Variants in DUOXA1 observed in about 807,000 individuals in gnomAD.
DUOXA1 encodes dual oxidase maturation factor 1, also known as dual oxidase activator 1.
A neutral mutation model predicts 26.6 loss-of-function variants in DUOXA1; 19 were observed. The ratio of observed to expected loss-of-function variants is 0.71; its 90% CI spans 0.50 to 1.05. The LOEUF (loss-of-function observed/expected upper bound fraction) is 1.05. Among genes scored for constraint, DUOXA1 ranks in the 50% least tolerant of loss-of-function variants. The probability of loss-of-function intolerance (pLI) is 0.00; values close to 1 mark genes in which losing one functional copy is unlikely to be tolerated. For missense variants in DUOXA1, 403 were observed against 427.5 expected (o/e 0.94, Z 0.51); for synonymous variants, 166 against 177.0 (o/e 0.94, Z 0.49).
chr15:45,122,749 C>T, intron 4 of DUOXA1, 119 bp downstream of exon 4: 4 of 1,286,272 alleles, frequency 3.1e-6, no homozygotes, highest in East Asian at 2.5e-5. Flanking sequence ...GGGGTCGTGG[C>T]TATCTTTTCT....
intron 3 of DUOXA1, among the ~76,000 whole-genome samples, chr15:45,123,557 A>T (rs935351024): frequency 2.0e-5 from 3 of 152,238 alleles, no homozygotes; most frequent in African/African-American, 7.2e-5. Context: ...ACATCATCAG[A>T]GGACTGAATT....
intron 5 of DUOXA1, 57 bp downstream of exon 5, chr15:45,122,128 C>A: frequency 6.5e-7 from 1 of 1,544,994 alleles, no homozygotes; most frequent in Non-Finnish European, 8.8e-7. Flanking sequence ...ATGCAGGCTG[C>A]TGAGGGAGTT....
Position 45,118,870 on chromosome 15 carries a change from T to C in DUOXA1, c.*236A>G. On this transcript the variant is annotated 3_prime_UTR_variant, in exon 9 of 9. Transcript: ENST00000560572. ...CAGATAAGCTAGCCCCTGCTTGGCCTTATCATGGCAACAGGCTTTATGGAC... is the reference window on the plus strand; with the variant it reads ...CAGATAAGCTAGCCCCTGCTTGGCCCTATCATGGCAACAGGCTTTATGGAC... 1 of 1,237,360 alleles carries C rather than the reference T, an allele frequency of 8.1e-7. No homozygotes were observed. Among genetic ancestry groups the C allele is most frequent in the East Asian group, 3.3e-5 (1 of 30,332 alleles). The allele number at this position is 1,237,360 out of a possible 1,614,324, so 76.6% of individuals were successfully genotyped here.
chr15:45,118,117 C>A lies in DUOXA1; in HGVS notation c.*989G>T. 1 of 1,456,200 alleles carries A rather than the reference C, an allele frequency of 6.9e-7. No individual in the cohort carries two copies. The highest frequency in any genetic ancestry group is 1.4e-5 in the South Asian group (1 of 70,090). 90.2% of individuals were successfully genotyped at this position (1,456,200 alleles called of 1,614,324 possible). On this transcript the variant is annotated 3_prime_UTR_variant, in exon 9 of 9. Coordinates refer to ENST00000560572, the MANE Select transcript of DUOXA1 (RefSeq NM_001276266.2). The stretch of plus-strand genomic sequence containing the variant: ...TTTGTTTTTTAAAAACTGTTTTTCC[C>A]ATTAATTTTCATGGCTTCTCCGCGC...
At chr15:45,121,251 C>T (rs1046327622) in intron 5 of DUOXA1, 30 bp from the exon 6 acceptor site, 8 of 1,613,868 alleles carry the variant, frequency 5.0e-6, no homozygotes, top group Non-Finnish European at 6.8e-6. Flanking sequence ...CATATGGGAA[C>T]TCAGAGATGA....
In DUOXA1 at chr15:45,121,138, C is replaced by T. The variant is rs1470533084; in HGVS notation, c.289G>A (p.Ala97Thr). Reference protein sequence around the residue: ...YKAFSSEWISADIGLQVGLGG... With the variant: ...YKAFSSEWISTDIGLQVGLGG... ...AGCCCGACCTGCAGCCCAATATCAGCGCTGATCCACTCAGAACTGAAGGCC... is the reference window on the plus strand; with the variant it reads ...AGCCCGACCTGCAGCCCAATATCAGTGCTGATCCACTCAGAACTGAAGGCC... The change falls in exon 6 of 9, where the codon GCT becomes ACT. Residue 97 changes from alanine to threonine, a missense_variant. Ala to Thr is a moderately conservative substitution (Grantham distance 58). Coordinates refer to ENST00000560572, the MANE Select transcript of DUOXA1 (RefSeq NM_001276266.2). 3.1e-6 allele frequency: 5 copies of T among 1,614,156 alleles called. No homozygotes were observed. The highest frequency in any genetic ancestry group is 4.2e-6 in the Non-Finnish European group (5 of 1,180,022).
At chr15:45,119,507 C>T in intron 8 of DUOXA1, 142 bp from the exon 9 acceptor site, 1 of 1,343,158 alleles carries the variant, frequency 7.4e-7, no homozygotes, top group Non-Finnish European at 9.9e-7. Flanking sequence ...AGGTGACTGG[C>T]TGAGGGGCAT....
In DUOXA1 at chr15:45,122,904, C is replaced by T. The variant is rs770191196; in HGVS notation, c.111G>A (p.Thr37=). 11 of 1,612,316 alleles carry T rather than the reference C, an allele frequency of 6.8e-6. No homozygotes were observed. The highest frequency in any genetic ancestry group is 3.3e-5 in the Admixed American group (2 of 59,904). Residue 37 remains threonine, a synonymous_variant, in exon 4 of 9, where the codon ACG becomes ACA. Coordinates refer to ENST00000560572, the MANE Select transcript of DUOXA1 (RefSeq NM_001276266.2). ...IIMIFLTALA[T]FIVILPGIRG... ...GAATGCCAGGCAGGATGACGATGAACGTGGCCAGTGCAGTCAGAAAGATCA... is the reference window on the plus strand; with the variant it reads ...GAATGCCAGGCAGGATGACGATGAATGTGGCCAGTGCAGTCAGAAAGATCA...
At chr15:45,120,880 T>A (rs1016008721) in intron 6 of DUOXA1, 75 bp from the exon 7 acceptor site, 4 of 1,543,744 alleles carry the variant, frequency 2.6e-6, no homozygotes, top group Non-Finnish European at 3.6e-6. Context: ...TCACCCACAC[T>A]GGGCAGAGGG....
At chr15:45,126,425 C>T (rs1207480985) in intron 3 of DUOXA1, among the ~76,000 whole-genome samples, 3 of 152,220 alleles carry the variant, frequency 2.0e-5, no homozygotes, top group Non-Finnish European at 4.4e-5. Context: ...ACTCTCTTGG[C>T]AAATGCCTTT....
At chr15:45,121,366 A>C (rs1341910423) in intron 5 of DUOXA1, 145 bp from the exon 6 acceptor site, 48 of 1,212,014 alleles carry the variant, frequency 4.0e-5, no homozygotes, top group Non-Finnish European at 5.4e-5. Flanking sequence ...GCTCATGGTA[A>C]GTCTGCCAAC....
rs1388414248 is a variant in DUOXA1 at position 45,117,465 on chromosome 15, A to G, written c.*1641T>C. The G allele has an allele frequency of 4.4e-5, 68 of 1,547,368 alleles. No individual in the cohort carries two copies. The highest frequency in any genetic ancestry group is 5.6e-5 in the Non-Finnish European group (64 of 1,144,176). ...CACTGTTATGACCATTTTACAGATGAAAAGTGGGGGGCTCAGAAGGGTTTG... is the reference window on the plus strand; with the variant it reads ...CACTGTTATGACCATTTTACAGATGGAAAGTGGGGGGCTCAGAAGGGTTTG... On this transcript the variant is annotated 3_prime_UTR_variant, in exon 9 of 9. Transcript: ENST00000560572.
In DUOXA1 at chr15:45,118,655, A is replaced by G. The variant is rs1394539462; in HGVS notation, c.*451T>C. On this transcript the variant is annotated 3_prime_UTR_variant, in exon 9 of 9. Transcript: ENST00000560572. ...CTTTCATTGTACCAAAAGGCCACAC[A>G]AGCTGGAGAAGTAAAGGAAGAACAA... is the stretch of plus-strand genomic sequence containing the variant. 1 of 991,220 alleles carries G rather than the reference A, an allele frequency of 1.0e-6. No homozygotes were observed. The highest frequency in any genetic ancestry group is 1.2e-6 in the Non-Finnish European group (1 of 834,394). 61.4% of individuals were successfully genotyped at this position (991,220 alleles called of 1,614,324 possible). A position where few individuals can be genotyped will look rare whatever the true frequency, so the allele number is the denominator to read the frequency against.
At chr15:45,121,418 T>C (rs1318775155) in intron 5 of DUOXA1, among the ~76,000 whole-genome samples, 197 bp from the exon 6 acceptor site, 3 of 152,234 alleles carry the variant, frequency 2.0e-5, no homozygotes, top group African/African-American at 7.2e-5. Flanking sequence ...TGTTTACCTC[T>C]TCCCTCCCTT....
chr15:45,119,565 G>C (rs1485466978), intron 8 of DUOXA1, among the ~76,000 whole-genome samples, 200 bp from the exon 9 acceptor site: 1 of 152,038 alleles, frequency 6.6e-6, no homozygotes, highest in Non-Finnish European at 1.5e-5. Context: ...TCCAAGCCCA[G>C]TGCTCCTTCT....
In DUOXA1 at chr15:45,119,233, A is replaced by G. The variant is rs1595542186; in HGVS notation, c.905T>C (p.Leu302Pro). The change falls in exon 9 of 9, where the codon CTC (leucine) becomes CCC (proline). Residue 302 changes from leucine to proline, a missense_variant. Coordinates refer to ENST00000560572, the MANE Select transcript of DUOXA1 (RefSeq NM_001276266.2). ...MLEWSPEEGGLLSPRYRSMAD... is the reference protein window; with the variant it reads ...MLEWSPEEGGPLSPRYRSMAD... ...CATGGACCGGTAGCGGGGGCTCAGG[A>G]GTCCACCTTCCTCAGGACTCCACTC... 1 of 1,614,146 alleles carries G rather than the reference A, an allele frequency of 6.2e-7. No homozygotes were observed. The highest frequency in any genetic ancestry group is 1.3e-5 in the African/African-American group (1 of 75,046).
Position 45,122,886 on chromosome 15 carries a change from A to G in DUOXA1, c.129T>C (p.Pro43=). The change falls in exon 4 of 9, where the codon CCT becomes CCC. Residue 43 remains proline (P), a synonymous_variant. Transcript: ENST00000560572. Reference sequence around the variant, plus strand: ...TTCTCACCGTCTTTCCCCGAATGCCAGGCAGGATGACGATGAACGTGGCCA... The same window carrying G: ...TTCTCACCGTCTTTCCCCGAATGCCGGGCAGGATGACGATGAACGTGGCCA... ...TALATFIVIL[P]GIRGKTRLFW... The G allele has an allele frequency of 6.2e-7, 1 of 1,610,376 alleles. No homozygotes were observed. Among genetic ancestry groups the G allele is most frequent in the Non-Finnish European group, 8.5e-7 (1 of 1,178,612 alleles).
At chr15:45,122,117 G>A (rs1455316206) in intron 5 of DUOXA1, 68 bp downstream of exon 5, 2 of 1,516,722 alleles carry the variant, frequency 1.3e-6, no homozygotes, top group African/African-American at 2.8e-5. Context: ...AAGGAGAGGA[G>A]ATGCAGGCTG....
Position 45,117,566 on chromosome 15 carries a change from A to G in DUOXA1, c.*1540T>C. On this transcript the variant is annotated 3_prime_UTR_variant, in exon 9 of 9. Coordinates refer to ENST00000560572, the MANE Select transcript of DUOXA1 (RefSeq NM_001276266.2). Reference sequence around the variant, plus strand: ...TAACACAAGGGGTAGGCTCCAAAAGATGGAAGAAGGCCCGGGCATCACGCC... The same window carrying G: ...TAACACAAGGGGTAGGCTCCAAAAGGTGGAAGAAGGCCCGGGCATCACGCC... 6.3e-7 allele frequency: 1 copy of G among 1,596,128 alleles called. No individual in the cohort carries two copies. The highest frequency in any genetic ancestry group is 1.3e-5 in the African/African-American group (1 of 74,496).
Sources: allele counts gnomAD v4.1 joint callset (sites outside exome capture counted in the v4.1 genomes callset), GRCh38; gene constraint gnomAD v4.1.1; transcripts MANE v1.5; gene names NCBI Gene and HGNC (gene_info 2026-07-23, HGNC 2026-07-21).